Variants in SLC6A16 observed in about 807,000 individuals in gnomAD.
SLC6A16 encodes the protein solute carrier family 6 member 16.
SLC6A16 carries 54 observed loss-of-function variants against 65.4 expected under a neutral mutation model. That is an observed-to-expected ratio of 0.83 (90% confidence interval 0.66 to 1.04). SLC6A16 has a LOEUF of 1.04. SLC6A16 is among the 50% of genes least tolerant of loss of function. The pLI is 0.00. For synonymous variants in SLC6A16, 330 were observed against 346.5 expected (o/e 0.95, Z 0.53); for missense variants, 816 against 914.0 (o/e 0.89, Z 1.38).
In SLC6A16 at chr19:49,293,908, C is replaced by T. The variant is rs768727186; in HGVS notation, c.1537G>A (p.Ala513Thr). ...ATGATGCCCTGCATAATCCCTATTG[C>T]GCTGCTCAGCCCCATGGCCAGCAAC... ...LMLLAMGLSS[A>T]IGIMQGIITP... Residue 513 changes from alanine (A) to threonine (T), a missense_variant, in exon 9 of 12, where the codon GCA (alanine) becomes ACA (threonine). Physicochemically the swap from Ala to Thr is moderately conservative, Grantham distance 58. Transcript: ENST00000335875. 12 of 1,613,768 alleles carry T rather than the reference C, an allele frequency of 7.4e-6. No individual in the cohort carries two copies. The highest frequency in any genetic ancestry group is 1.3e-5 in the African/African-American group (1 of 74,844).
At chr19:49,310,804 C>T (rs1970504247) in intron 2 of SLC6A16, 129 bp downstream of exon 2, 2 of 808,580 alleles carry the variant, frequency 2.5e-6, no homozygotes, top group Admixed American at 4.8e-5. Flanking sequence ...AGGGACCTGG[C>T]TCCTATCCTG....
chr19:49,306,843 G>A (rs112174462), intron 7 of SLC6A16, among the ~76,000 whole-genome samples: 2,233 of 151,714 alleles, frequency 0.015, 59 homozygotes, highest in African/African-American at 0.051. Flanking sequence ...CACCCGGCTT[G>A]TTTTTCTTTA....
chr19:49,335,849 C>G, the SLC6A16 span: 2 of 1,379,196 alleles, frequency 1.5e-6, no homozygotes, highest in Non-Finnish European at 1.0e-6. This position sits in a 1 kb window ranked among gnomAD's most constrained non-coding sequence, Gnocchi z 4.6. Context: ...TGGGGTCTCC[C>G]TTGTCTCAGG....
chr19:49,315,818 A>C (rs1308019757), intron 1 of SLC6A16, among the ~76,000 whole-genome samples: 1 of 152,048 alleles, frequency 6.6e-6, no homozygotes, highest in Admixed American at 6.6e-5. Context: ...GATTATACTT[A>C]ATAGTGAACA....
chr19:49,295,668 G>T (rs1488833400), intron 7 of SLC6A16, among the ~76,000 whole-genome samples: 1 of 152,178 alleles, frequency 6.6e-6, no homozygotes, highest in African/African-American at 2.4e-5. Context: ...TGGAGAAAGG[G>T]GACTTCCAAA....
the SLC6A16 span, chr19:49,332,159 G>A: frequency 4.4e-6 from 2 of 456,680 alleles, no homozygotes; most frequent in East Asian, 1.4e-4. Context: ...TCTCCTGGTG[G>A]CTCCAGGAGT....
chr19:49,331,844 G>A, the SLC6A16 span: 18 of 456,858 alleles, frequency 3.9e-5, 1 homozygote, highest in South Asian at 2.8e-4. Flanking sequence ...TAGGAAAGAA[G>A]AAACCAAGTT....
intron 7 of SLC6A16, among the ~76,000 whole-genome samples, chr19:49,301,975 G>A (rs981215422): frequency 6.6e-6 from 1 of 152,126 alleles, no homozygotes; most frequent in African/African-American, 2.4e-5. Flanking sequence ...GCTAGGCCCC[G>A]CGGCTGCATG....
the SLC6A16 span, chr19:49,335,291 C>G: frequency 1.9e-6 from 1 of 533,820 alleles, no homozygotes; most frequent in Non-Finnish European, 3.3e-6. The surrounding 1 kb of genome is among the most constrained non-coding windows in gnomAD (Gnocchi z 4.6). Flanking sequence ...CAAGGCCCCT[C>G]AGGTACCAGA....
intron 1 of SLC6A16, chr19:49,312,515 C>T (rs766360117): frequency 2.0e-5 from 20 of 977,868 alleles, no homozygotes; most frequent in African/African-American, 3.5e-5. Context: ...TGTTCTACCT[C>T]ACATCTAGGG....
intron 7 of SLC6A16, among the ~76,000 whole-genome samples, chr19:49,301,668 T>C (rs1284390753): frequency 2.0e-5 from 3 of 152,144 alleles, no homozygotes; most frequent in Non-Finnish European, 4.4e-5. Flanking sequence ...CCTGTAGTTT[T>C]TTCCACCTTC....
chr19:49,294,316 G>C (rs759761740), intron 8 of SLC6A16, 51 bp downstream of exon 8: 1 of 1,562,152 alleles, frequency 6.4e-7, no homozygotes. Context: ...TTTCTGTTGT[G>C]CTAAAGGCTT....
upstream of SLC6A16, among the ~76,000 whole-genome samples, chr19:49,327,384 G>A (rs765400661): frequency 1.4e-4 from 21 of 152,164 alleles, no homozygotes; most frequent in Admixed American, 7.9e-4. Context: ...CACTGCGCCC[G>A]GCCCATAGAC....
intron 7 of SLC6A16, among the ~76,000 whole-genome samples, chr19:49,306,954 T>C (rs114194537): frequency 6.6e-6 from 1 of 151,844 alleles, no homozygotes; most frequent in Non-Finnish European, 1.5e-5. Flanking sequence ...AGATTATGAT[T>C]AGAAAAAGAT....
the SLC6A16 span, chr19:49,335,316 G>A: frequency 1.7e-6 from 1 of 573,336 alleles, no homozygotes; most frequent in African/African-American, 1.9e-5. The surrounding 1 kb of genome is among the most constrained non-coding windows in gnomAD (Gnocchi z 4.6). Flanking sequence ...GTGTCCCAGT[G>A]GAGCAGGTGA....
the SLC6A16 span, chr19:49,337,565 T>C: frequency 8.5e-7 from 1 of 1,182,476 alleles, no homozygotes; most frequent in Non-Finnish European, 1.1e-6. Context: ...GAGGCTACAG[T>C]GAGCCATGCA....
the SLC6A16 span, chr19:49,336,705 G>A: frequency 7.1e-6 from 4 of 564,800 alleles, no homozygotes; most frequent in Non-Finnish European, 1.3e-5. Context: ...GAGGAAGAGA[G>A]ACAGAGATCC....
intron 1 of SLC6A16, among the ~76,000 whole-genome samples, chr19:49,323,129 T>A (rs1441950214): frequency 6.6e-6 from 1 of 152,102 alleles, no homozygotes; most frequent in Non-Finnish European, 1.5e-5. Context: ...AGGACAGTCT[T>A]TTCAACAAAT....
At chr19:49,319,351 C>T (rs1036431632) in intron 1 of SLC6A16, among the ~76,000 whole-genome samples, 1 of 151,668 alleles carries the variant, frequency 6.6e-6, no homozygotes, top group South Asian at 2.1e-4. Context: ...GATGAACCTG[C>T]TGTATGTTGA....
Sources: allele counts gnomAD v4.1 joint callset (sites outside exome capture counted in the v4.1 genomes callset), GRCh38; gene constraint gnomAD v4.1.1; non-coding constraint Gnocchi (gnomAD v3.1); transcripts MANE v1.5; gene names NCBI Gene and HGNC (gene_info 2026-07-23, HGNC 2026-07-21).